The following ARHGAP32 variants were observed in gnomAD, a reference collection of about 807,000 sequenced individuals.
ARHGAP32 encodes the protein rho GTPase-activating protein 32.
ARHGAP32 carries 51 observed loss-of-function variants against 186.5 expected under a neutral mutation model. The ratio of observed to expected loss-of-function variants is 0.27; its 90% CI spans 0.22 to 0.35. The LOEUF (loss-of-function observed/expected upper bound fraction) is 0.35. ARHGAP32 is among the 10% of genes least tolerant of loss of function. The probability of loss-of-function intolerance (pLI) is 1.00; values close to 1 mark genes in which losing one functional copy is unlikely to be tolerated. For synonymous variants in ARHGAP32, 950 were observed against 964.3 expected, an observed-to-expected ratio of 0.99 and a Z score of 0.27; for missense variants, 2,186 against 2,623.5, an observed-to-expected ratio of 0.83 and a Z score of 3.64.
intron 1 of ARHGAP32, among the ~76,000 whole-genome samples, chr11:129,212,140 G>T (rs1298111001): frequency 1.3e-5 from 2 of 152,076 alleles, no homozygotes; most frequent in Non-Finnish European, 2.9e-5. Context: ...GGGTGACAGA[G>T]CAAGACCCTG....
At chr11:129,095,271 T>C (rs944300497) in intron 5 of ARHGAP32, among the ~76,000 whole-genome samples, 12 of 152,188 alleles carry the variant, frequency 7.9e-5, no homozygotes, top group African/African-American at 2.9e-4. Context: ...CTGGCAGAGA[T>C]ACAAGAGAAA....
intron 15 of ARHGAP32, among the ~76,000 whole-genome samples, chr11:128,985,081 A>G (rs1945822368): frequency 1.3e-5 from 2 of 152,088 alleles, no homozygotes; most frequent in Non-Finnish European, 2.9e-5. Flanking sequence ...GTGCAGTGGC[A>G]TGATCTCGGC....
At chr11:129,164,235 A>G in intron 2 of ARHGAP32, 84 bp downstream of exon 2, 1 of 833,954 alleles carries the variant, frequency 1.2e-6, no homozygotes, top group Non-Finnish European at 1.8e-6. Flanking sequence ...TTTTTGTGTA[A>G]TGTGTCCTCA....
At chr11:129,239,883 A>T (rs554663900) in intron 1 of ARHGAP32, among the ~76,000 whole-genome samples, 2 of 152,260 alleles carry the variant, frequency 1.3e-5, no homozygotes, top group Admixed American at 1.3e-4. Flanking sequence ...ACAATTACTT[A>T]AAAAACAGAC....
At chr11:129,250,887 G>A (rs992562398) in intron 1 of ARHGAP32, among the ~76,000 whole-genome samples, 6 of 152,086 alleles carry the variant, frequency 3.9e-5, no homozygotes, top group African/African-American at 9.7e-5. Context: ...CTTAATCTTC[G>A]TAGAAATCAC....
At chr11:129,155,799 G>A (rs1943389005) in intron 2 of ARHGAP32, among the ~76,000 whole-genome samples, 1 of 152,176 alleles carries the variant, frequency 6.6e-6, no homozygotes, top group Non-Finnish European at 1.5e-5. Flanking sequence ...GGCCAAATAG[G>A]AACAGCTCCA....
chr11:129,102,485 C>A (rs555779359), intron 5 of ARHGAP32, among the ~76,000 whole-genome samples: 1 of 152,182 alleles, frequency 6.6e-6, no homozygotes, highest in South Asian at 2.1e-4. Context: ...ACCACAGGTT[C>A]AAAATGAGGG....
In ARHGAP32 at chr11:128,986,510, T is replaced by C; in HGVS notation, c.1443+14A>G. ...TTCCACAAAGAATTAGATTCAAAAG[T>C]AGCCTGTACTCACAGAAAATTTCTC... On this transcript the variant is annotated intron_variant, in intron 14 of 22. Transcript: ENST00000682385. 1 of 1,613,278 alleles carries C rather than the reference T, an allele frequency of 6.2e-7. No homozygotes were observed. Among genetic ancestry groups the C allele is most frequent in the Non-Finnish European group, 8.5e-7 (1 of 1,179,536 alleles).
chr11:129,125,327 T>C (rs550657104), intron 2 of ARHGAP32, among the ~76,000 whole-genome samples: 1 of 152,236 alleles, frequency 6.6e-6, no homozygotes, highest in Non-Finnish European at 1.5e-5. Flanking sequence ...TATATAATAC[T>C]TCCAAATTAC....
chr11:129,257,280 A>G (rs1945266460), intron 1 of ARHGAP32, among the ~76,000 whole-genome samples: 1 of 152,196 alleles, frequency 6.6e-6, no homozygotes, highest in African/African-American at 2.4e-5. Flanking sequence ...TTTGTGACTT[A>G]TGGCACTAGA....
At chr11:129,166,533 C>G (rs1443423089) in intron 1 of ARHGAP32, among the ~76,000 whole-genome samples, 2 of 151,614 alleles carry the variant, frequency 1.3e-5, no homozygotes, top group African/African-American at 2.4e-5. Context: ...AAGTTGACTT[C>G]CAATAAGCAA....
Position 129,062,293 on chromosome 11 carries a change from T to C in ARHGAP32, c.950A>G (p.Lys317Arg). The C allele has an allele frequency of 6.2e-7, 1 of 1,613,618 alleles. No homozygotes were observed. Among genetic ancestry groups the C allele is most frequent in the Non-Finnish European group, 8.5e-7 (1 of 1,179,632 alleles). ...GCTGCTGCCTACCTGGAATCCGTGC[T>C]TGCCTCTCCACCATGTGCTTAACAC... is the stretch of plus-strand genomic sequence containing the variant. Reference protein sequence around the residue: ...PKVLSTWWRGKHGFQVGLFPG... With the variant: ...PKVLSTWWRGRHGFQVGLFPG... Residue 317 changes from lysine (K) to arginine (R), a missense_variant, in exon 10 of 23, where the codon AAG (lysine) becomes AGG (arginine). Physicochemically the swap from Lys to Arg is conservative, Grantham distance 26. This residue lies in a region of ARHGAP32 where 308 missense variants were observed against 596.5 expected (regional missense o/e 0.52). Transcript: ENST00000682385.
At chr11:129,091,979 T>C (rs1941590382) in intron 6 of ARHGAP32, among the ~76,000 whole-genome samples, 1 of 151,992 alleles carries the variant, frequency 6.6e-6, no homozygotes. Flanking sequence ...TTACATACAA[T>C]GAGGCAAAGA....
chr11:129,260,766 C>T (rs1009032530), intron 1 of ARHGAP32, among the ~76,000 whole-genome samples: 3 of 152,096 alleles, frequency 2.0e-5, no homozygotes, highest in African/African-American at 7.2e-5. Context: ...TATGTTACAG[C>T]TGAGCAATCA....
At chr11:129,184,368 A>G (rs185163942) in intron 1 of ARHGAP32, among the ~76,000 whole-genome samples, 11 of 152,138 alleles carry the variant, frequency 7.2e-5, no homozygotes, top group Non-Finnish European at 1.0e-4. Context: ...GAACATGTAC[A>G]CTGAATGAAT....
chr11:129,267,492 CTG>C (rs1339779533), intron 1 of ARHGAP32, among the ~76,000 whole-genome samples: 2 of 150,854 alleles, frequency 1.3e-5, no homozygotes, highest in African/African-American at 4.9e-5. Flanking sequence ...GTTAACTTGA[CTG>C]ATAATTTGTA....
chr11:129,277,561 C>T (rs1945548106), intron 1 of ARHGAP32, among the ~76,000 whole-genome samples: 1 of 152,238 alleles, frequency 6.6e-6, no homozygotes, highest in South Asian at 2.1e-4. Context: ...GTAAACTGGG[C>T]TTCCACCTTA....
intron 1 of ARHGAP32, among the ~76,000 whole-genome samples, chr11:129,238,709 C>T (rs967418061): frequency 6.6e-6 from 1 of 151,626 alleles, no homozygotes; most frequent in Non-Finnish European, 1.5e-5. Context: ...AAGACCCAGT[C>T]TCAAAAAAAT....
chr11:129,085,719 C>T (rs1295858079), intron 6 of ARHGAP32, among the ~76,000 whole-genome samples: 1 of 152,068 alleles, frequency 6.6e-6, no homozygotes, highest in African/African-American at 2.4e-5. Flanking sequence ...TAAAACCATA[C>T]TAGGCTGGGT....
Sources: gnomAD v4.1 joint callset for allele counts (sites outside exome capture counted in the v4.1 genomes callset) on GRCh38, gnomAD v4.1.1 for gene constraint, gnomAD v4.1.1 regional missense constraint, MANE v1.5 for transcripts, NCBI Gene and HGNC (gene_info 2026-07-23, HGNC 2026-07-21) for gene names.